Variants in DSE observed in about 807,000 individuals in gnomAD.
DSE encodes dermatan-sulfate epimerase.
Under a neutral mutation model 84.4 loss-of-function variants are expected in DSE, and 36 were observed. The observed-to-expected ratio is 0.43, with a 90% CI of 0.33 to 0.56. DSE has a LOEUF of 0.56. Among genes scored for constraint, DSE ranks in the 20% least tolerant of loss-of-function variants. DSE has a pLI of 0.06. For synonymous variants in DSE, 410 were observed against 430.1 expected (o/e 0.95, Z 0.58); for missense variants, 862 against 1,169.6 (o/e 0.74, Z 3.84).
intron 2 of DSE, among the ~76,000 whole-genome samples, chr6:116,344,549 A>C: frequency 1.3e-5 from 1 of 74,596 alleles, no homozygotes; most frequent in East Asian, 1.2e-3. Context: ...TCATAAGTGA[A>C]GGAGAAATAA....
At chr6:116,341,173 C>A (rs1395934075) in intron 2 of DSE, among the ~76,000 whole-genome samples, 2 of 151,992 alleles carry the variant, frequency 1.3e-5, no homozygotes, top group East Asian at 3.9e-4. Context: ...TTAATGATTG[C>A]CATTCTAACT....
chr6:116,279,685 G>C, intron 2 of DSE: 2 of 1,609,854 alleles, frequency 1.2e-6, no homozygotes, highest in Non-Finnish European at 1.7e-6. Context: ...TCCCTCACCC[G>C]GCTCCGCCAT....
intron 2 of DSE, among the ~76,000 whole-genome samples, chr6:116,413,016 T>C (rs2115029070): frequency 6.6e-6 from 1 of 152,282 alleles, no homozygotes; most frequent in East Asian, 1.9e-4. Context: ...TCCATGTTGC[T>C]GCGACGGATG....
At chr6:116,400,805 A>G (rs1781544283) in intron 2 of DSE, 2 of 152,162 alleles carry the variant, frequency 1.3e-5, no homozygotes, top group Non-Finnish European at 2.9e-5. Context: ...ATCTTATTCT[A>G]TTCTTGACAC....
rs547986120 is a variant in DSE at position 116,348,568 on chromosome 6, G to A, written c.-53-50630G>A. Reference sequence around the variant, plus strand: ...CAACCATTGTGGAAGACAGTGTGGCGATTCCTCAAGGATCTAGAACTAGAA... The same window carrying A: ...CAACCATTGTGGAAGACAGTGTGGCAATTCCTCAAGGATCTAGAACTAGAA... On this transcript the variant is annotated intron_variant, in intron 2 of 3. Transcript: ENST00000430252. 1.6e-4 allele frequency among the ~76,000 whole-genome samples: 24 copies of A among 152,242 alleles called. No individual in the cohort carries two copies. In the South Asian group the frequency reaches 2.1e-3, roughly 13 times the overall value.
chr6:116,322,924 G>A (rs1776412392), intron 2 of DSE, among the ~76,000 whole-genome samples: 1 of 152,188 alleles, frequency 6.6e-6, no homozygotes, highest in African/African-American at 2.4e-5. Flanking sequence ...TGGAGTGTTA[G>A]TGTAGAGAGC....
At position 116,436,924 on chromosome 6, in the gene DSE, T is replaced by C; in HGVS notation, c.2456T>C (p.Val819Ala). 6.2e-7 allele frequency: 1 copy of C among 1,614,098 alleles called. No homozygotes were observed. The highest frequency in any genetic ancestry group is 8.5e-7 in the Non-Finnish European group (1 of 1,180,004). ...NRRAGKRYKF[V>A]DAVPDIFAQI... is the part of the protein sequence containing the mutation. Reference sequence around the variant, plus strand: ...AGGGCAGGCAAACGCTATAAATTTGTGGATGCTGTCCCTGATATTTTTGCA... The same window carrying C: ...AGGGCAGGCAAACGCTATAAATTTGCGGATGCTGTCCCTGATATTTTTGCA... Residue 819 changes from valine (V) to alanine (A), a missense_variant, in exon 6 of 6, where the codon GTG becomes GCG. Transcript: ENST00000644252.
In DSE at chr6:116,436,486, G is replaced by A. The variant is rs1562314748; in HGVS notation, c.2018G>A (p.Ser673Asn). 2 of 1,614,142 alleles carry A rather than the reference G, an allele frequency of 1.2e-6. No individual in the cohort carries two copies. Among genetic ancestry groups the A allele is most frequent in the Non-Finnish European group, 1.7e-6 (2 of 1,180,010 alleles). ...LFIGPSIDVQSFTVHGDSQQL... is the reference protein window; with the variant it reads ...LFIGPSIDVQNFTVHGDSQQL... ...ATAGGGCCATCTATAGATGTTCAGAGCTTCACTGTCCACGGAGACTCTCAG... is the reference window on the plus strand; with the variant it reads ...ATAGGGCCATCTATAGATGTTCAGAACTTCACTGTCCACGGAGACTCTCAG... Residue 673 changes from serine to asparagine, a missense_variant, in exon 6 of 6, where the codon AGC (serine) becomes AAC (asparagine). Physicochemically the swap from Ser to Asn is conservative, Grantham distance 46. Transcript: ENST00000644252.
chr6:116,377,010 G>A (rs779161427), intron 1 of DSE, among the ~76,000 whole-genome samples: 22 of 152,124 alleles, frequency 1.4e-4, no homozygotes, highest in Non-Finnish European at 1.8e-4. Context: ...CTCTCAGTGC[G>A]AACGATAGCA....
intron 2 of DSE, among the ~76,000 whole-genome samples, chr6:116,314,122 A>G (rs1476119148): frequency 2.6e-5 from 4 of 152,046 alleles, no homozygotes. Flanking sequence ...ATATTAAACC[A>G]ATATCTAATA....
intron 2 of DSE, among the ~76,000 whole-genome samples, chr6:116,405,521 C>G (rs1474840374): frequency 6.6e-6 from 1 of 152,200 alleles, no homozygotes; most frequent in Non-Finnish European, 1.5e-5. Flanking sequence ...TTCCCCCTCA[C>G]TCTTTCTGCC....
chr6:116,345,049 A>T (rs1408558974), intron 2 of DSE, among the ~76,000 whole-genome samples: 1 of 152,228 alleles, frequency 6.6e-6, no homozygotes, highest in Non-Finnish European at 1.5e-5. Context: ...TGGTAAATGG[A>T]TCAATTCAAC....
At chr6:116,421,463 A>ATTTTTTTTT (rs71012335) in intron 2 of DSE, among the ~76,000 whole-genome samples, 1 of 61,346 alleles carries the variant, frequency 1.6e-5, no homozygotes, top group Non-Finnish European at 2.7e-5. Context: ...ATATATATAT[A>ATTTTTTTTT]TTTTTTTTTT....
intron 1 of DSE, among the ~76,000 whole-genome samples, chr6:116,397,303 G>A (rs1781317570): frequency 6.7e-6 from 1 of 148,970 alleles, no homozygotes; most frequent in Non-Finnish European, 1.5e-5. Flanking sequence ...CCGCCTCCCA[G>A]GTTCAAGCGA....
chr6:116,309,161 C>A (rs1247710468), intron 2 of DSE, among the ~76,000 whole-genome samples: 2 of 152,124 alleles, frequency 1.3e-5, no homozygotes, highest in Non-Finnish European at 2.9e-5. Context: ...AAATTAGAAT[C>A]ATCTGTTGTG....
chr6:116,432,561 A>T (rs1441778596), intron 4 of DSE: 5 of 152,204 alleles, frequency 3.3e-5, no homozygotes, highest in Non-Finnish European at 7.3e-5. Flanking sequence ...TAATTGTGGT[A>T]ACATTTTAGA....
Position 116,401,335 on chromosome 6 carries a change from GA to G in DSE, c.416+1672del, listed in dbSNP as rs1231355864. 13 of 152,154 alleles carry G rather than the reference GA, an allele frequency of 8.5e-5. No homozygotes were observed. In the East Asian group the frequency reaches 2.5e-3, roughly 29 times the overall value. 9.4% of individuals were successfully genotyped at this position (152,154 alleles called of 1,614,324 possible). A position where few individuals can be genotyped will look rare whatever the true frequency, so the allele number is the denominator to read the frequency against. Reference sequence around the variant, plus strand: ...ATTTATTGATCACTGGAGGTGTATAGAAACTTACTAGGGGTCTAGTACTTTA... The same window carrying G: ...ATTTATTGATCACTGGAGGTGTATAGAACTTACTAGGGGTCTAGTACTTTA... On this transcript the variant is annotated intron_variant, in intron 2 of 5. Transcript: ENST00000644252.
At chr6:116,343,917 A>G (rs1017939471) in intron 2 of DSE, among the ~76,000 whole-genome samples, 1 of 152,242 alleles carries the variant, frequency 6.6e-6, no homozygotes, top group Non-Finnish European at 1.5e-5. Context: ...GCTAACTAGA[A>G]TAAACAGTGT....
intron 2 of DSE, among the ~76,000 whole-genome samples, chr6:116,307,116 A>G (rs796940483): frequency 2.0e-5 from 3 of 152,302 alleles, no homozygotes; most frequent in African/African-American, 7.2e-5. Flanking sequence ...AATCTTTCAC[A>G]CAGGCATGTG....
Sources: gnomAD v4.1 joint callset for allele counts (sites outside exome capture counted in the v4.1 genomes callset) on GRCh38, gnomAD v4.1.1 for gene constraint, MANE v1.5 for transcripts, NCBI Gene and HGNC (gene_info 2026-07-23, HGNC 2026-07-21) for gene names.